Variants in ENTHD1 observed in about 807,000 individuals in gnomAD.
The protein encoded by ENTHD1 is ENTH domain-containing protein 1.
A neutral mutation model predicts 39.1 loss-of-function variants in ENTHD1; 23 were observed. That is an observed-to-expected ratio of 0.59 (90% CI 0.42 to 0.83). The LOEUF is 0.83. ENTHD1 is among the 40% of genes least tolerant of loss of function. ENTHD1 has a pLI of 0.00. For synonymous variants in ENTHD1, 230 were observed against 258.2 expected (o/e 0.89, Z 1.05); for missense variants, 624 against 705.4 (o/e 0.88, Z 1.31).
chr22:39,792,932 C>T (rs2065516434), intron 5 of ENTHD1, among the ~76,000 whole-genome samples: 1 of 152,018 alleles, frequency 6.6e-6, no homozygotes, highest in African/African-American at 2.4e-5. Context: ...GATTTTCTTG[C>T]TTTTGGATAA....
chr22:39,832,849 A>G (rs1283623137), intron 4 of ENTHD1, among the ~76,000 whole-genome samples: 1 of 152,194 alleles, frequency 6.6e-6, no homozygotes, highest in African/African-American at 2.4e-5. Context: ...GAAGGAAGGG[A>G]GTCTGCAGTG....
chr22:39,795,594 A>AT lies in ENTHD1; in HGVS notation c.832+25398dup, dbSNP rs59794007. On this transcript the variant is annotated intron_variant, in intron 5 of 6. Transcript: ENST00000325157. Reference sequence around the variant, plus strand: ...AGGCACATGCCACCATGCCTGGCTAATTTTTTTTTTTTTTTTAAGAGACAA... The same window carrying AT: ...AGGCACATGCCACCATGCCTGGCTAATTTTTTTTTTTTTTTTTAAGAGACAA... Among the ~76,000 whole-genome samples, 1,264 of 141,304 alleles carry AT rather than the reference A, an allele frequency of 8.9e-3. 18 individuals are homozygous for AT. Among genetic ancestry groups the AT allele is most frequent in the East Asian group, 0.077 (376 of 4,864 alleles). The allele number at this position is 141,304 out of a possible 152,430, so 92.7% of individuals were successfully genotyped here.
At chr22:39,857,639 T>C (rs2066105183) in intron 3 of ENTHD1, among the ~76,000 whole-genome samples, 1 of 152,124 alleles carries the variant, frequency 6.6e-6, no homozygotes. Context: ...CTCTGCCTGA[T>C]ATACAGGCAC....
chr22:39,840,438 C>T (rs1275030456), intron 3 of ENTHD1, among the ~76,000 whole-genome samples: 4 of 152,170 alleles, frequency 2.6e-5, no homozygotes, highest in African/African-American at 9.7e-5. Context: ...AATTATCAGG[C>T]ATTAGCAATG....
chr22:39,840,187 G>A (rs937227678), intron 3 of ENTHD1, among the ~76,000 whole-genome samples: 1 of 152,214 alleles, frequency 6.6e-6, no homozygotes, highest in Non-Finnish European at 1.5e-5. Flanking sequence ...GAAGTCACAA[G>A]CCAGTGAAGA....
chr22:39,866,579 A>G (rs897731238), intron 2 of ENTHD1, among the ~76,000 whole-genome samples: 4 of 152,208 alleles, frequency 2.6e-5, no homozygotes, highest in Non-Finnish European at 4.4e-5. Flanking sequence ...ACATTAGGGC[A>G]GAGTGCGCCA....
chr22:39,840,012 A>G (rs1319245087), intron 3 of ENTHD1, among the ~76,000 whole-genome samples: 1 of 152,226 alleles, frequency 6.6e-6, no homozygotes, highest in Non-Finnish European at 1.5e-5. Flanking sequence ...ATCAGATAGC[A>G]TAACACTGGA....
At chr22:39,758,485 G>A (rs1167237487) in intron 6 of ENTHD1, among the ~76,000 whole-genome samples, 1 of 152,054 alleles carries the variant, frequency 6.6e-6, no homozygotes, top group Admixed American at 6.6e-5. Flanking sequence ...GGTGCAGTGG[G>A]GCAATCATAG....
intron 3 of ENTHD1, among the ~76,000 whole-genome samples, chr22:39,839,852 C>T (rs2065931329): frequency 6.6e-6 from 1 of 152,078 alleles, no homozygotes; most frequent in South Asian, 2.1e-4. Flanking sequence ...TGAAGAATAG[C>T]AAGAAATGTG....
At chr22:39,761,919 T>C (rs933743408) in intron 6 of ENTHD1, among the ~76,000 whole-genome samples, 13 of 152,174 alleles carry the variant, frequency 8.5e-5, no homozygotes, top group Non-Finnish European at 1.8e-4. Flanking sequence ...AAGGGTCAGT[T>C]TCTACTGACT....
At chr22:39,866,097 G>T (rs1480374971) in intron 2 of ENTHD1, among the ~76,000 whole-genome samples, 4 of 152,190 alleles carry the variant, frequency 2.6e-5, no homozygotes, top group Admixed American at 6.5e-5. Context: ...ATGGCCATAG[G>T]GTGTGATGCC....
At chr22:39,868,145 T>G (rs1569175360) in intron 2 of ENTHD1, among the ~76,000 whole-genome samples, 1 of 152,038 alleles carries the variant, frequency 6.6e-6, no homozygotes, top group African/African-American at 2.4e-5. Context: ...TACAACTTAT[T>G]TGTGGCTGTG....
chr22:39,890,636 CTG>C (rs1229339183), intron 1 of ENTHD1, among the ~76,000 whole-genome samples: 5 of 151,978 alleles, frequency 3.3e-5, no homozygotes, highest in Admixed American at 3.3e-4. Flanking sequence ...CTTTTAAAAA[CTG>C]TTTTCTTAAA....
chr22:39,744,115 T>G lies in ENTHD1; in HGVS notation c.1388A>C (p.Asp463Ala). The change falls in exon 7 of 7, where the codon GAT (aspartate) becomes GCT (alanine). Residue 463 changes from aspartate (D) to alanine (A), a missense_variant. Coordinates refer to ENST00000325157, the MANE Select transcript of ENTHD1 (RefSeq NM_152512.4). ...GGAGTGATGCAGCTTGGCTGTCTTATCTTCATCTTTAAAGGAGGTAGAAGA... is the reference window on the plus strand; with the variant it reads ...GGAGTGATGCAGCTTGGCTGTCTTAGCTTCATCTTTAAAGGAGGTAGAAGA... ...QLSSTSFKDE[D>A]KTAKLHHSFA... 1 of 1,614,156 alleles carries G rather than the reference T, an allele frequency of 6.2e-7. No individual in the cohort carries two copies. The highest frequency in any genetic ancestry group is 8.5e-7 in the Non-Finnish European group (1 of 1,180,018).
intron 3 of ENTHD1, among the ~76,000 whole-genome samples, chr22:39,861,393 A>G (rs2066138768): frequency 6.6e-6 from 1 of 152,118 alleles, no homozygotes; most frequent in African/African-American, 2.4e-5. Flanking sequence ...TACAAAAATT[A>G]GCTGGGCATG....
At chr22:39,793,270 CTATATG>C (rs1378857916) in intron 5 of ENTHD1, among the ~76,000 whole-genome samples, 1 of 148,772 alleles carries the variant, frequency 6.7e-6, no homozygotes, top group Non-Finnish European at 1.5e-5. Context: ...GCCAATTACT[CTATATG>C]TATGTCTTCT....
intron 5 of ENTHD1, among the ~76,000 whole-genome samples, chr22:39,767,626 A>T (rs1165591778): frequency 6.6e-6 from 1 of 152,210 alleles, no homozygotes; most frequent in African/African-American, 2.4e-5. Context: ...ATTGACTTTC[A>T]TTTTACATGT....
chr22:39,808,270 G>A (rs2065659550), intron 5 of ENTHD1, among the ~76,000 whole-genome samples: 1 of 152,040 alleles, frequency 6.6e-6, no homozygotes, highest in Non-Finnish European at 1.5e-5. Flanking sequence ...GCAGGGTTAG[G>A]TGCCCTCCTG....
intron 5 of ENTHD1, among the ~76,000 whole-genome samples, chr22:39,802,477 A>G (rs1482731410): frequency 6.6e-6 from 1 of 152,214 alleles, no homozygotes; most frequent in Admixed American, 6.5e-5. Flanking sequence ...AGTACAGGGC[A>G]GGACCCCTCT....
Sources: allele counts gnomAD v4.1 joint callset (sites outside exome capture counted in the v4.1 genomes callset), GRCh38; gene constraint gnomAD v4.1.1; transcripts MANE v1.5; gene names NCBI Gene and HGNC (gene_info 2026-07-23, HGNC 2026-07-21).